Variants in DACH2 observed in about 807,000 individuals in gnomAD.
The protein encoded by DACH2 is dachshund homolog 2.
DACH2 carries 17 observed loss-of-function variants against 35.8 expected under a neutral mutation model. The observed-to-expected ratio is 0.48, with a 90% CI of 0.33 to 0.71. The LOEUF (loss-of-function observed/expected upper bound fraction) is 0.71. DACH2 is among the 30% of genes least tolerant of loss of function. The pLI, the probability that DACH2 is intolerant of heterozygous loss-of-function variation, is 0.02. For synonymous variants in DACH2, 195 were observed against 177.3 expected, an observed-to-expected ratio of 1.10 and a Z score of -0.79; for missense variants, 469 against 472.7, an observed-to-expected ratio of 0.99 and a Z score of 0.07.
rs761385383 is a variant in DACH2 at position 86,552,559 on chromosome X, G to A, written c.640+38168G>A. Among the ~76,000 whole-genome samples the A allele has an allele frequency of 3.6e-5, 4 of 112,107 alleles. No individual in the cohort carries two copies. The South Asian group carries it at 1.5e-3, about 41-fold the overall frequency. ...AAACAACTTGGAATTGCTTTAATGA[G>A]AAATTTTGAGCATTTAAAAATTTGT... On this transcript the variant is annotated intron_variant, in intron 3 of 11. Coordinates refer to ENST00000373125, the MANE Select transcript of DACH2 (RefSeq NM_053281.3).
intron 7 of DACH2, among the ~76,000 whole-genome samples, chrX:86,804,067 G>A (rs2042319876): frequency 8.9e-6 from 1 of 111,873 alleles, no homozygotes; most frequent in Non-Finnish European, 1.9e-5. Flanking sequence ...TATCTGGAAT[G>A]CTTCAGACCA....
intron 2 of DACH2, among the ~76,000 whole-genome samples, chrX:86,398,076 G>C (rs1428305933): frequency 3.6e-5 from 4 of 111,847 alleles, no homozygotes; most frequent in Non-Finnish European, 5.6e-5. Context: ...GCCTGTTATT[G>C]GTCTATTCAG....
At chrX:86,246,588 A>G (rs1454264357) in intron 1 of DACH2, among the ~76,000 whole-genome samples, 1 of 112,192 alleles carries the variant, frequency 8.9e-6, no homozygotes, top group Non-Finnish European at 1.9e-5. Context: ...GTGAAAGGTG[A>G]AATAAGTTCC....
chrX:86,438,363 A>G (rs759270001), intron 2 of DACH2, among the ~76,000 whole-genome samples: 1 of 108,732 alleles, frequency 9.2e-6, no homozygotes, highest in South Asian at 4.1e-4. Context: ...AGCTGGGATT[A>G]CAGGCCCCTG....
chrX:86,432,702 C>T lies in DACH2; in HGVS notation c.527+55840C>T, dbSNP rs760398265. On this transcript the variant is annotated intron_variant, in intron 2 of 11. Transcript: ENST00000373125. Reference sequence around the variant, plus strand: ...AAGGCAGGTTTGGCTTGACTCCAGCCTGTGGATTTATTACTGTATCTATCT... The same window carrying T: ...AAGGCAGGTTTGGCTTGACTCCAGCTTGTGGATTTATTACTGTATCTATCT... 1.3e-3 allele frequency among the ~76,000 whole-genome samples: 147 copies of T among 111,992 alleles called. 1 individual carries two copies. Among genetic ancestry groups the T allele is most frequent in the Non-Finnish European group, 3.4e-4 (18 of 53,157 alleles).
chrX:86,202,648 G>A (rs1478828392), intron 1 of DACH2, among the ~76,000 whole-genome samples: 1 of 111,192 alleles, frequency 9.0e-6, no homozygotes, highest in Non-Finnish European at 1.9e-5. Flanking sequence ...AATATTCTCA[G>A]AAGAAAGATT....
intron 1 of DACH2, among the ~76,000 whole-genome samples, chrX:86,202,633 G>C (rs1396401744): frequency 9.1e-6 from 1 of 109,895 alleles, no homozygotes; most frequent in African/African-American, 3.4e-5. Context: ...TAGAAGCTTG[G>C]AGAAAATATT....
intron 3 of DACH2, among the ~76,000 whole-genome samples, chrX:86,627,264 T>C (rs1019526317): frequency 3.6e-5 from 4 of 111,895 alleles, no homozygotes; most frequent in African/African-American, 1.3e-4. Context: ...CCAGTTTCTT[T>C]GCTAAAGTAT....
chrX:86,708,232 G>A (rs559061073), intron 5 of DACH2, among the ~76,000 whole-genome samples: 74 of 110,400 alleles, frequency 6.7e-4, no homozygotes, highest in South Asian at 6.2e-3. Context: ...TCGAAAACAA[G>A]GGAAGGACGT....
chrX:86,270,180 G>C (rs1184703245), intron 1 of DACH2, among the ~76,000 whole-genome samples: 1 of 108,384 alleles, frequency 9.2e-6, no homozygotes, highest in Non-Finnish European at 1.9e-5. Context: ...ATGTGTTTTG[G>C]TCAGAGTAAA....
Position 86,789,372 on chromosome X carries a change from G to A in DACH2, c.1241-23484G>A, listed in dbSNP as rs73512612. 2.7e-3 allele frequency among the ~76,000 whole-genome samples: 300 copies of A among 111,876 alleles called. 2 individuals carry two copies. Among genetic ancestry groups the A allele is most frequent in the African/African-American group, 9.0e-3 (277 of 30,867 alleles). ...TGATTGAATATTTGGATAGTGTTTAGTTTGCATGGCTAACACAAATACATT... is the reference window on the plus strand; with the variant it reads ...TGATTGAATATTTGGATAGTGTTTAATTTGCATGGCTAACACAAATACATT... On this transcript the variant is annotated intron_variant, in intron 7 of 11. Transcript: ENST00000373125.
chrX:86,181,759 A>G (rs1392599085), intron 1 of DACH2, among the ~76,000 whole-genome samples: 1 of 111,746 alleles, frequency 8.9e-6, no homozygotes, highest in African/African-American at 3.3e-5. Flanking sequence ...AGGAATCACC[A>G]CACTGTCTTC....
chrX:86,481,291 A>G (rs780687939), intron 2 of DACH2, among the ~76,000 whole-genome samples: 2 of 111,877 alleles, frequency 1.8e-5, no homozygotes, highest in Non-Finnish European at 3.8e-5. Context: ...CTGATCCTGT[A>G]TAATACAACT....
intron 1 of DACH2, among the ~76,000 whole-genome samples, chrX:86,310,371 C>T (rs376151711): frequency 4.5e-5 from 5 of 111,640 alleles, no homozygotes; most frequent in Non-Finnish European, 7.5e-5. Context: ...AGCCACCCTG[C>T]CTTCTCTCCC....
At chrX:86,257,671 G>T (rs1318969333) in intron 1 of DACH2, among the ~76,000 whole-genome samples, 3 of 112,065 alleles carry the variant, frequency 2.7e-5, no homozygotes, top group Non-Finnish European at 3.8e-5. Flanking sequence ...GCTTGCTAAA[G>T]TGCTAGGATT....
At chrX:86,831,614 A>C (rs894647691) in intron 11 of DACH2, 4 of 111,063 alleles carry the variant, frequency 3.6e-5, no homozygotes, top group African/African-American at 1.3e-4. Flanking sequence ...CGGTTTGACT[A>C]AACACTGTAG....
intron 3 of DACH2, among the ~76,000 whole-genome samples, chrX:86,554,831 G>A (rs995907807): frequency 6.3e-5 from 7 of 111,628 alleles, no homozygotes; most frequent in Non-Finnish European, 9.4e-5. Flanking sequence ...ATGTGAAAGC[G>A]TTTTGAATGA....
chrX:86,616,392 G>C (rs1230156572), intron 3 of DACH2, among the ~76,000 whole-genome samples: 1 of 112,013 alleles, frequency 8.9e-6, no homozygotes, highest in Non-Finnish European at 1.9e-5. Flanking sequence ...CCCATCTACA[G>C]TGTATAAGCT....
chrX:86,286,115 G>GTTTTTTTTTT (rs753864299), intron 1 of DACH2, among the ~76,000 whole-genome samples: 8 of 45,760 alleles, frequency 1.7e-4, no homozygotes, highest in African/African-American at 3.1e-4. Context: ...CAGCCAGTCT[G>GTTTTTTTTTT]TTTTTTTTTT....
Sources: gnomAD v4.1 joint callset for allele counts (sites outside exome capture counted in the v4.1 genomes callset) on GRCh38, gnomAD v4.1.1 for gene constraint, MANE v1.5 for transcripts, NCBI Gene and HGNC (gene_info 2026-07-23, HGNC 2026-07-21) for gene names.